STXBP6: variants seen among roughly 807,000 people sequenced by gnomAD.
The protein encoded by STXBP6 is syntaxin binding protein 6.
A neutral mutation model predicts 26.9 loss-of-function variants in STXBP6; 21 were observed. That is an observed-to-expected ratio of 0.78 (90% CI 0.55 to 1.12). The LOEUF (loss-of-function observed/expected upper bound fraction) is 1.12. Ranked by LOEUF, STXBP6 falls within the 50% of genes most tolerant of loss-of-function variation. STXBP6 has a pLI of 0.00. For missense variants in STXBP6, 232 were observed against 257.9 expected (o/e 0.90, Z 0.69); for synonymous variants, 97 against 92.6 (o/e 1.05, Z -0.27).
intron 1 of STXBP6, among the ~76,000 whole-genome samples, chr14:24,983,493 G>T (rs2074252119): frequency 6.6e-6 from 1 of 152,190 alleles, no homozygotes; most frequent in Admixed American, 6.5e-5. Flanking sequence ...GAATTAGTTT[G>T]TTTCTTTTGC....
At chr14:24,868,434 A>G (rs2139306998) in intron 2 of STXBP6, among the ~76,000 whole-genome samples, 1 of 152,306 alleles carries the variant, frequency 6.6e-6, no homozygotes, top group East Asian at 1.9e-4. Flanking sequence ...TAAAAATACT[A>G]AGGATACCAA....
intron 2 of STXBP6, among the ~76,000 whole-genome samples, chr14:24,961,531 A>C (rs61978828): frequency 0.03 from 4,508 of 152,274 alleles, 104 homozygotes; most frequent in Non-Finnish European, 0.045. Context: ...TTCTAAGTGA[A>C]GTAACTCAGA....
At chr14:24,945,919 G>A (rs1238443309) in intron 2 of STXBP6, among the ~76,000 whole-genome samples, 4 of 152,234 alleles carry the variant, frequency 2.6e-5, no homozygotes, top group Middle Eastern at 3.4e-3. Context: ...TAGTCAAAAC[G>A]GTTGAACTCA....
chr14:24,859,773 G>C (rs12878320), intron 2 of STXBP6, among the ~76,000 whole-genome samples: 36,302 of 152,002 alleles, frequency 0.24, 4,730 homozygotes, highest in South Asian at 0.39. Flanking sequence ...TTCCGTTATG[G>C]CTTCAACATT....
chr14:25,022,751 C>A (rs1482161567), intron 1 of STXBP6, among the ~76,000 whole-genome samples: 2 of 152,172 alleles, frequency 1.3e-5, no homozygotes, highest in Non-Finnish European at 2.9e-5. Flanking sequence ...GTGATCTCAT[C>A]CAAGACTGAG....
chr14:24,967,900 C>T (rs1272893799), intron 2 of STXBP6, among the ~76,000 whole-genome samples: 3 of 152,062 alleles, frequency 2.0e-5, no homozygotes, highest in Admixed American at 2.0e-4. Context: ...AAATGAGGTG[C>T]TGTGGCAGTT....
At chr14:24,881,256 C>A (rs1034643708) in intron 2 of STXBP6, among the ~76,000 whole-genome samples, 12 of 152,166 alleles carry the variant, frequency 7.9e-5, no homozygotes, top group Non-Finnish European at 5.9e-5. Context: ...TGGAACTCCA[C>A]TACTTCCTGA....
At chr14:24,835,837 C>T (rs900618950) in intron 4 of STXBP6, among the ~76,000 whole-genome samples, 5 of 152,182 alleles carry the variant, frequency 3.3e-5, no homozygotes, top group African/African-American at 1.2e-4. Context: ...TTTTCTCTTA[C>T]CTAAAAGAGG....
intron 2 of STXBP6, among the ~76,000 whole-genome samples, chr14:24,919,501 A>G (rs1277596474): frequency 6.6e-6 from 1 of 151,548 alleles, no homozygotes; most frequent in African/African-American, 2.4e-5. Context: ...GAGAAGAACT[A>G]TTTCTCTCCA....
At chr14:24,881,981 A>C (rs1049180708) in intron 2 of STXBP6, among the ~76,000 whole-genome samples, 1 of 152,114 alleles carries the variant, frequency 6.6e-6, no homozygotes, top group African/African-American at 2.4e-5. Flanking sequence ...CTTCCTATAC[A>C]TTGGCAGGGC....
chr14:24,857,656 T>C (rs2069386337), intron 2 of STXBP6, among the ~76,000 whole-genome samples: 1 of 151,876 alleles, frequency 6.6e-6, no homozygotes, highest in Non-Finnish European at 1.5e-5. Context: ...TGATGAGGAG[T>C]AATCCCTAAC....
intron 1 of STXBP6, among the ~76,000 whole-genome samples, chr14:24,999,098 C>A (rs2074681886): frequency 6.6e-6 from 1 of 152,066 alleles, no homozygotes; most frequent in South Asian, 2.1e-4. Flanking sequence ...GTTAAAAATA[C>A]AGTAAGTTGA....
chr14:24,940,322 T>C (rs1047285430), intron 2 of STXBP6, among the ~76,000 whole-genome samples: 2 of 152,240 alleles, frequency 1.3e-5, no homozygotes, highest in Non-Finnish European at 1.5e-5. Flanking sequence ...AGTAGAAGTA[T>C]GATTGCTATA....
intron 2 of STXBP6, among the ~76,000 whole-genome samples, chr14:24,900,856 C>T (rs1184068531): frequency 6.6e-6 from 1 of 152,200 alleles, no homozygotes; most frequent in Non-Finnish European, 1.5e-5. Flanking sequence ...GGAACCAGGA[C>T]TCCCAGTGGC....
chr14:24,978,044 T>C (rs1359586640), intron 1 of STXBP6, among the ~76,000 whole-genome samples: 1 of 152,222 alleles, frequency 6.6e-6, no homozygotes, highest in African/African-American at 2.4e-5. Context: ...TGTATACATG[T>C]TTTTAATGTC....
intron 4 of STXBP6, among the ~76,000 whole-genome samples, chr14:24,820,665 A>C (rs1239858452): frequency 6.6e-6 from 1 of 152,236 alleles, no homozygotes; most frequent in African/African-American, 2.4e-5. Context: ...AACTATGATA[A>C]TAACCCATCC....
chr14:24,911,142 T>A (rs942394620), intron 2 of STXBP6, among the ~76,000 whole-genome samples: 1 of 151,946 alleles, frequency 6.6e-6, no homozygotes, highest in African/African-American at 2.4e-5. Context: ...CTGGGCAACA[T>A]AGTGAGACTT....
chr14:24,922,058 A>G (rs1419254557), intron 2 of STXBP6, among the ~76,000 whole-genome samples: 2 of 151,818 alleles, frequency 1.3e-5, no homozygotes, highest in African/African-American at 2.4e-5. Flanking sequence ...TCTTCCAGTC[A>G]TTTACCAAAG....
chr14:24,946,178 A>T (rs2072983203), intron 2 of STXBP6, among the ~76,000 whole-genome samples: 1 of 152,244 alleles, frequency 6.6e-6, no homozygotes, highest in South Asian at 2.1e-4. Flanking sequence ...AATGTGTAAC[A>T]GTAGCACTGT....
Sources: allele counts gnomAD v4.1 joint callset (sites outside exome capture counted in the v4.1 genomes callset), GRCh38; gene constraint gnomAD v4.1.1; transcripts MANE v1.5; gene names NCBI Gene and HGNC (gene_info 2026-07-23, HGNC 2026-07-21).